Variants in NCKAP5 observed in about 807,000 individuals in gnomAD.
NCKAP5 encodes NCK associated protein 5, also known as nck-associated protein 5.
Under a neutral mutation model 167.0 loss-of-function variants are expected in NCKAP5, and 92 were observed. The ratio of observed to expected loss-of-function variants is 0.55; its 90% CI spans 0.47 to 0.66. The LOEUF is 0.66. Among genes scored for constraint, NCKAP5 ranks in the 30% least tolerant of loss-of-function variants. The probability of loss-of-function intolerance (pLI) is 0.00; values close to 1 mark genes in which losing one functional copy is unlikely to be tolerated. For missense variants in NCKAP5, 2,378 were observed against 2,315.0 expected, an observed-to-expected ratio of 1.03 and a Z score of -0.56; for synonymous variants, 891 against 877.4, an observed-to-expected ratio of 1.02 and a Z score of -0.27.
intron 19 of NCKAP5, among the ~76,000 whole-genome samples, chr2:132,683,079 T>G (rs549108290): frequency 6.6e-6 from 1 of 152,122 alleles, no homozygotes; most frequent in African/African-American, 2.4e-5. Flanking sequence ...AGATGGGGTT[T>G]CACCATGTTG....
At chr2:133,314,350 G>A (rs1467322577) in intron 3 of NCKAP5, among the ~76,000 whole-genome samples, 2 of 152,152 alleles carry the variant, frequency 1.3e-5, no homozygotes, top group Non-Finnish European at 2.9e-5. Context: ...GCTCCCATCT[G>A]TTCATCTGAG....
intron 3 of NCKAP5, among the ~76,000 whole-genome samples, chr2:133,328,647 C>T (rs1323387434): frequency 6.6e-6 from 1 of 152,188 alleles, no homozygotes; most frequent in African/African-American, 2.4e-5. Flanking sequence ...AAATCAGACA[C>T]TGTGAACTCG....
At chr2:133,650,319 TAA>T in the NCKAP5 span, among the ~76,000 whole-genome samples, 1 of 151,742 alleles carries the variant, frequency 6.6e-6, no homozygotes, top group Non-Finnish European at 1.5e-5. Context: ...ATCTAATAAC[TAA>T]AAAAAAGTCA....
the NCKAP5 span, among the ~76,000 whole-genome samples, chr2:133,647,420 A>AAGGAAGGAAGGAAGGAAGG: frequency 1.7e-5 from 1 of 59,342 alleles, no homozygotes; most frequent in Non-Finnish European, 3.3e-5. Context: ...AGGAAGGAAG[A>AAGGAAGGAAGGAAGGAAGG]GAAAGAAAGG....
intron 3 of NCKAP5, among the ~76,000 whole-genome samples, chr2:133,331,993 A>G (rs1382349537): frequency 1.3e-5 from 2 of 152,174 alleles, no homozygotes; most frequent in Admixed American, 6.5e-5. Flanking sequence ...CCAGGCAGCT[A>G]TGTTTAGCTC....
chr2:133,648,849 T>TA, the NCKAP5 span, among the ~76,000 whole-genome samples: 14,299 of 136,750 alleles, frequency 0.1, 790 homozygotes, highest in African/African-American at 0.13. Context: ...CTAAGGGAAT[T>TA]AAAAAAAAAA....
chr2:132,939,694 A>G lies in NCKAP5; in HGVS notation c.579+24026T>C, dbSNP rs536301693. ...TGTACCCATCACCCAAGCAGTGTAC[A>G]TTGTACTCAATATTGTAGTTTTTGG... is the stretch of plus-strand genomic sequence containing the variant. On this transcript the variant is annotated intron_variant, in intron 8 of 19. Coordinates refer to ENST00000409261, the MANE Select transcript of NCKAP5 (RefSeq NM_207363.3). Among the ~76,000 whole-genome samples the G allele has an allele frequency of 1.5e-4, 23 of 152,234 alleles. No homozygotes were observed. In the South Asian group the frequency reaches 4.8e-3, roughly 32 times the overall value.
intron 8 of NCKAP5, among the ~76,000 whole-genome samples, chr2:132,943,648 CT>C (rs1697464501): frequency 1.3e-5 from 2 of 152,168 alleles, no homozygotes; most frequent in African/African-American, 4.8e-5. Context: ...AGAGAGTCAC[CT>C]TTTCAACACA....
At chr2:133,216,157 C>G (rs987420776) in intron 4 of NCKAP5, among the ~76,000 whole-genome samples, 14 of 152,058 alleles carry the variant, frequency 9.2e-5, no homozygotes, top group Non-Finnish European at 2.1e-4. Flanking sequence ...ATTACACTGT[C>G]AAAATCTGTA....
At chr2:132,769,108 C>T (rs1275843275) in intron 16 of NCKAP5, among the ~76,000 whole-genome samples, 1 of 151,898 alleles carries the variant, frequency 6.6e-6, no homozygotes, top group Non-Finnish European at 1.5e-5. Flanking sequence ...CCATGCCTGA[C>T]TAATTTTTTA....
intron 16 of NCKAP5, among the ~76,000 whole-genome samples, chr2:132,741,416 G>A (rs1410365507): frequency 6.6e-6 from 1 of 152,006 alleles, no homozygotes; most frequent in African/African-American, 2.4e-5. Context: ...CGTAAGAGTG[G>A]GCTAATGTGA....
At chr2:132,702,359 G>T (rs529201535) in intron 19 of NCKAP5, among the ~76,000 whole-genome samples, 2 of 152,162 alleles carry the variant, frequency 1.3e-5, no homozygotes, top group South Asian at 4.2e-4. Flanking sequence ...GCCTCTTCTC[G>T]CTCCTCAGGG....
chr2:132,997,027 C>A (rs1216002132), intron 6 of NCKAP5, among the ~76,000 whole-genome samples: 1 of 152,206 alleles, frequency 6.6e-6, no homozygotes, highest in East Asian at 1.9e-4. Context: ...TGAAGAAAAG[C>A]AGGCTGATCC....
chr2:133,285,387 G>T lies in NCKAP5; in HGVS notation c.143+17650C>A, dbSNP rs539532207. Among the ~76,000 whole-genome samples the T allele has an allele frequency of 6.6e-5, 10 of 152,204 alleles. No homozygotes were observed. The South Asian group carries it at 1.0e-3, about 16-fold the overall frequency. ...TTTCAAATGCTAACTTTAAAATTATGATGAGGAAGATAACAGCTCTGCTTT... is the reference window on the plus strand; with the variant it reads ...TTTCAAATGCTAACTTTAAAATTATTATGAGGAAGATAACAGCTCTGCTTT... On this transcript the variant is annotated intron_variant, in intron 4 of 19. Transcript: ENST00000409261.
chr2:133,531,483 T>G (rs1054257754), intron 2 of NCKAP5, among the ~76,000 whole-genome samples: 1 of 150,182 alleles, frequency 6.7e-6, no homozygotes, highest in South Asian at 2.1e-4. Flanking sequence ...TTCTGAGCAC[T>G]CTTTCTGGTT....
chr2:133,470,421 A>G (rs1042855563), intron 3 of NCKAP5, among the ~76,000 whole-genome samples: 75 of 152,320 alleles, frequency 4.9e-4, no homozygotes, highest in Non-Finnish European at 8.5e-4. Flanking sequence ...CAAAGCTGTC[A>G]GACAGGGACA....
intron 6 of NCKAP5, among the ~76,000 whole-genome samples, chr2:133,063,006 A>C (rs1046480506): frequency 3.3e-5 from 5 of 152,170 alleles, no homozygotes; most frequent in African/African-American, 1.2e-4. Flanking sequence ...TTCTCTTCCT[A>C]CTTCAAAGTA....
chr2:133,144,020 G>A (rs1275316562), intron 5 of NCKAP5, among the ~76,000 whole-genome samples: 1 of 151,938 alleles, frequency 6.6e-6, no homozygotes, highest in Non-Finnish European at 1.5e-5. Flanking sequence ...CCAGGACCTT[G>A]TTAGAGATTG....
intron 6 of NCKAP5, among the ~76,000 whole-genome samples, chr2:133,034,366 A>G (rs998561364): frequency 2.0e-5 from 3 of 152,190 alleles, no homozygotes; most frequent in Non-Finnish European, 4.4e-5. Context: ...GAAATGCTAA[A>G]GAGAGTACTT....
Sources: gnomAD v4.1 joint callset for allele counts (sites outside exome capture counted in the v4.1 genomes callset) on GRCh38, gnomAD v4.1.1 for gene constraint, MANE v1.5 for transcripts, NCBI Gene and HGNC (gene_info 2026-07-23, HGNC 2026-07-21) for gene names.